PTPRO: variants seen among roughly 807,000 people sequenced by gnomAD.
PTPRO encodes protein tyrosine phosphatase receptor type O.
Under a neutral mutation model 145.2 loss-of-function variants are expected in PTPRO, and 62 were observed. That is an observed-to-expected ratio of 0.43 (90% CI 0.35 to 0.53). The LOEUF (loss-of-function observed/expected upper bound fraction) is 0.53, where lower values mean the gene tolerates loss of function less well. PTPRO is among the 20% of genes least tolerant of loss of function. The pLI is 0.01. For missense variants in PTPRO, 1,345 were observed against 1,482.7 expected (o/e 0.91, Z 1.53); for synonymous variants, 565 against 514.7 (o/e 1.10, Z -1.32).
At chr12:15,510,653 T>G (rs1942418667) in intron 7 of PTPRO, among the ~76,000 whole-genome samples, 1 of 152,156 alleles carries the variant, frequency 6.6e-6, no homozygotes, top group African/African-American at 2.4e-5. Context: ...AGACCAATAT[T>G]TAAAGGGGAG....
At chr12:15,489,465 C>G (rs1483360610) in intron 2 of PTPRO, among the ~76,000 whole-genome samples, 1 of 152,230 alleles carries the variant, frequency 6.6e-6, no homozygotes, top group East Asian at 1.9e-4. Flanking sequence ...AAAGGGTGGA[C>G]AGTTCCCGGA....
rs34372542 is a variant in PTPRO at position 15,548,528 on chromosome 12, A to ATGTGTGTG, written c.2305-548_2305-541dup. Among the ~76,000 whole-genome samples the ATGTGTGTG allele has an allele frequency of 4.6e-4, 69 of 149,336 alleles. 1 individual carries two copies. The highest frequency in any genetic ancestry group is 1.4e-3 in the African/African-American group (58 of 40,708). On this transcript the variant is annotated intron_variant, in intron 13 of 26. Coordinates refer to ENST00000281171, the MANE Select transcript of PTPRO (RefSeq NM_030667.3). Reference sequence around the variant, plus strand: ...TGTGTGTATATATGTGTGTATATATATGTGTGTGTGTGTGTGTGTGTGTGT... The same window carrying ATGTGTGTG: ...TGTGTGTATATATGTGTGTATATATATGTGTGTGTGTGTGTGTGTGTGTGTGTGTGTGT...
At chr12:15,528,589 G>A (rs1367822754) in intron 12 of PTPRO, among the ~76,000 whole-genome samples, 2 of 151,568 alleles carry the variant, frequency 1.3e-5, no homozygotes, top group Admixed American at 6.6e-5. Flanking sequence ...ATTCAAGGGG[G>A]AGCTGAATAA....
chr12:15,514,882 C>T (rs1591672706), intron 7 of PTPRO, among the ~76,000 whole-genome samples: 1 of 152,090 alleles, frequency 6.6e-6, no homozygotes, highest in African/African-American at 2.4e-5. Flanking sequence ...CCTACCTCAG[C>T]CTCCTGAGTA....
intron 1 of PTPRO, among the ~76,000 whole-genome samples, chr12:15,420,321 T>C (rs2136326199): frequency 6.6e-6 from 1 of 151,734 alleles, no homozygotes; most frequent in African/African-American, 2.4e-5. Flanking sequence ...TGCCTGCTTA[T>C]TCAATCTGGT....
At chr12:15,462,127 C>G (rs1346710561) in intron 1 of PTPRO, among the ~76,000 whole-genome samples, 1 of 152,026 alleles carries the variant, frequency 6.6e-6, no homozygotes, top group African/African-American at 2.4e-5. Flanking sequence ...TAATGTTGCT[C>G]ATCTTTTTTC....
At chr12:15,350,863 T>G (rs1937779050) in intron 1 of PTPRO, among the ~76,000 whole-genome samples, 1 of 152,238 alleles carries the variant, frequency 6.6e-6, no homozygotes, top group Non-Finnish European at 1.5e-5. Flanking sequence ...AGAACAGAAT[T>G]TGGCCCACTG....
chr12:15,358,330 A>T (rs968615273), intron 1 of PTPRO, among the ~76,000 whole-genome samples: 1 of 151,576 alleles, frequency 6.6e-6, no homozygotes, highest in Non-Finnish European at 1.5e-5. Context: ...ACATGTATAC[A>T]TATGTAACTA....
chr12:15,349,228 T>C (rs1047268540), intron 1 of PTPRO, among the ~76,000 whole-genome samples: 1 of 152,126 alleles, frequency 6.6e-6, no homozygotes, highest in Non-Finnish European at 1.5e-5. Context: ...CATTTTAAGA[T>C]GGGTCCTTAA....
intron 1 of PTPRO, among the ~76,000 whole-genome samples, chr12:15,422,687 G>T (rs1242370861): frequency 6.6e-6 from 1 of 152,146 alleles, no homozygotes; most frequent in African/African-American, 2.4e-5. Context: ...AGGTTTTCAG[G>T]CTCATCTTAT....
rs369062310 is a variant in PTPRO, at chr12:15,397,458, A to C, written c.75+74657A>C. On this transcript the variant is annotated intron_variant, in intron 1 of 26. Transcript: ENST00000281171. ...CCCCTACTTTGGACTGACAGAGAGA[A>C]TGAAGACTTACTTCAGTTTGATTGT... Among the ~76,000 whole-genome samples the C allele has an allele frequency of 2.6e-5, 4 of 152,186 alleles. No homozygotes were observed. In the East Asian group the frequency reaches 5.8e-4, roughly 22 times the overall value.
chr12:15,475,913 G>A (rs991657598), intron 1 of PTPRO, among the ~76,000 whole-genome samples: 7 of 151,876 alleles, frequency 4.6e-5, no homozygotes, highest in Admixed American at 2.0e-4. Flanking sequence ...TCTTTTCCTC[G>A]TACCCAAGTC....
chr12:15,449,054 C>A (rs1426630123), intron 1 of PTPRO, among the ~76,000 whole-genome samples: 1 of 150,802 alleles, frequency 6.6e-6, no homozygotes, highest in African/African-American at 2.4e-5. Flanking sequence ...GCAAATAGGG[C>A]ATCCCCCAGA....
At chr12:15,387,361 C>A (rs1034972785) in intron 1 of PTPRO, among the ~76,000 whole-genome samples, 10 of 144,312 alleles carry the variant, frequency 6.9e-5, no homozygotes, top group African/African-American at 2.6e-4. Context: ...TTTAAAAGCC[C>A]GGGGTTGGGG....
chr12:15,584,007 C>T (rs1342893595), intron 23 of PTPRO, among the ~76,000 whole-genome samples: 2 of 152,182 alleles, frequency 1.3e-5, no homozygotes, highest in Non-Finnish European at 2.9e-5. Context: ...TGCAGAGTTT[C>T]AGCTTAAGTG....
intron 1 of PTPRO, among the ~76,000 whole-genome samples, chr12:15,379,723 C>A (rs1266923574): frequency 6.6e-6 from 1 of 151,940 alleles, no homozygotes; most frequent in African/African-American, 2.4e-5. Flanking sequence ...ATGAAATAGG[C>A]AAATTTATAC....
chr12:15,375,946 T>C (rs1599363), intron 1 of PTPRO, among the ~76,000 whole-genome samples: 22,383 of 152,012 alleles, frequency 0.15, 3,703 homozygotes, highest in African/African-American at 0.41. Context: ...TGAGATTACC[T>C]AGTCAGAAGA....
At chr12:15,527,600 G>C (rs1399130577) in intron 12 of PTPRO, among the ~76,000 whole-genome samples, 1 of 152,172 alleles carries the variant, frequency 6.6e-6, no homozygotes, top group Non-Finnish European at 1.5e-5. Context: ...CCTTGGGCAT[G>C]AGCCCCCCAG....
In PTPRO at chr12:15,524,855, A is replaced by G. The variant is rs148773070; in HGVS notation, c.1933A>G (p.Ser645Gly). ...AATCACTTCTGTGGAATATTTCAAC[A>G]GTCTGTTATATATCAGTTGGACATA... is the stretch of plus-strand genomic sequence containing the variant. ...PEITSVEYFN[S>G]LLYISWTYGD... Residue 645 changes from serine (S) to glycine (G), a missense_variant, in exon 11 of 27, where the codon AGT becomes GGT. Around this residue, in one of 3 missense-constraint regions of PTPRO, gnomAD observed 1,130 missense variants for 1,214.7 expected, o/e 0.93. Transcript: ENST00000281171. 1.4e-5 allele frequency: 22 copies of G among 1,613,542 alleles called. No individual in the cohort carries two copies. Among genetic ancestry groups the G allele is most frequent in the Middle Eastern group, 1.6e-4 (1 of 6,082 alleles).
Sources: gnomAD v4.1 joint callset for allele counts (sites outside exome capture counted in the v4.1 genomes callset) on GRCh38, gnomAD v4.1.1 for gene constraint, gnomAD v4.1.1 regional missense constraint, MANE v1.5 for transcripts, NCBI Gene and HGNC (gene_info 2026-07-23, HGNC 2026-07-21) for gene names.